Variants in NOP9 observed in about 807,000 individuals in gnomAD.
NOP9 encodes the protein nucleolar protein 9.
In NOP9, 50 loss-of-function variants were observed where a neutral mutation model predicts 63.0. The ratio of observed to expected loss-of-function variants is 0.79; its 90% confidence interval spans 0.63 to 1.00. The LOEUF (loss-of-function observed/expected upper bound fraction) is 1.00, where lower values mean the gene tolerates loss of function less well. Ranked by LOEUF, NOP9 falls within the 50% of genes least tolerant of loss-of-function variation. NOP9 has a pLI of 0.00. For synonymous variants in NOP9, 343 were observed against 332.8 expected (o/e 1.03, Z -0.33); for missense variants, 758 against 803.0 (o/e 0.94, Z 0.68).
chr14:24,299,043 C>G, upstream of NOP9: 1 of 1,614,112 alleles, frequency 6.2e-7, no homozygotes, highest in Non-Finnish European at 8.5e-7. Context: ...AAGGCAATGC[C>G]ACGGCCAATA....
chr14:24,288,516 G>A, the NOP9 span, among the ~76,000 whole-genome samples: 2 of 151,954 alleles, frequency 1.3e-5, no homozygotes, highest in African/African-American at 4.8e-5. Context: ...TGCCTGGCTA[G>A]TTTTTGTATT....
In NOP9 at chr14:24,304,620, T is replaced by G. The variant is rs1257897176; in HGVS notation, c.1753+22T>G. ...CTTGGTGAGTACCAGCCCCTCTCTT[T>G]GATGTTTCCAGACTCTCCCCTCTCT... On this transcript the variant is annotated intron_variant, in intron 9 of 9. Transcript: ENST00000267425. 3 of 1,545,652 alleles carry G rather than the reference T, an allele frequency of 1.9e-6. No homozygotes were observed. In the African/African-American group the frequency reaches 4.1e-5, roughly 21 times the overall value.
At position 24,300,531 on chromosome 14, in the gene NOP9, G is replaced by C; in HGVS notation, c.371G>C (p.Arg124Pro). ...TTCAGTCCCTTGAAACCGCTTTGTC[G>C]CGTGTGGGCTGCTCTGCGCTCTAAC... Reference protein sequence around the residue: ...LGFSPLKPLCRVWAALRSNLR... With the variant: ...LGFSPLKPLCPVWAALRSNLR... Residue 124 changes from arginine to proline, a missense_variant, in exon 2 of 10, where the codon CGC becomes CCC. Coordinates refer to ENST00000267425, the MANE Select transcript of NOP9 (RefSeq NM_174913.3). 4 of 1,614,242 alleles carry C rather than the reference G, an allele frequency of 2.5e-6. No individual in the cohort carries two copies. The highest frequency in any genetic ancestry group is 3.4e-6 in the Non-Finnish European group (4 of 1,180,044).
chr14:24,299,693 T>G, upstream of NOP9: 1 of 444,732 alleles, frequency 2.2e-6, no homozygotes, highest in South Asian at 4.7e-5. Flanking sequence ...ATTGATTCTG[T>G]AGTAGGACCC....
At chr14:24,292,345 A>G in the NOP9 span, 1 of 1,613,430 alleles carries the variant, frequency 6.2e-7, no homozygotes. Context: ...GGAGAGGCGG[A>G]AGGCAGGGTA....
chr14:24,291,370 TC>T, the NOP9 span: 4 of 1,066,088 alleles, frequency 3.8e-6, no homozygotes, highest in Non-Finnish European at 5.7e-6. Flanking sequence ...TTTCCACACT[TC>T]CCAGGAGCCT....
rs1253286395 is a variant in NOP9, at chr14:24,307,300, C to G, written c.*2205C>G. On this transcript the variant is annotated 3_prime_UTR_variant, in exon 10 of 10. Coordinates refer to ENST00000267425, the MANE Select transcript of NOP9 (RefSeq NM_174913.3). Reference sequence around the variant, plus strand: ...TGACTTCAGCCCTCTGCTCCATCATCACAAGTTGCCACTGTTGTGGAGCCC... The same window carrying G: ...TGACTTCAGCCCTCTGCTCCATCATGACAAGTTGCCACTGTTGTGGAGCCC... The G allele has an allele frequency of 1.3e-6, 2 of 1,513,906 alleles. No homozygotes were observed. Among genetic ancestry groups the G allele is most frequent in the East Asian group, 4.5e-5 (2 of 44,032 alleles). The allele number at this position is 1,513,906 out of a possible 1,614,324, so 93.8% of individuals were successfully genotyped here. A position where few individuals can be genotyped will look rare whatever the true frequency, so the allele number is the denominator to read the frequency against.
upstream of NOP9, among the ~76,000 whole-genome samples, chr14:24,295,895 A>C (rs1236865049): frequency 6.6e-6 from 1 of 152,244 alleles, no homozygotes; most frequent in African/African-American, 2.4e-5. Context: ...GATCACATCC[A>C]TCAGGCATGA....
chr14:24,304,564 C>A lies in NOP9; in HGVS notation c.1719C>A (p.Ala573=), dbSNP rs1325129105. 2 of 1,613,196 alleles carry A rather than the reference C, an allele frequency of 1.2e-6. No homozygotes were observed. The highest frequency in any genetic ancestry group is 2.7e-5 in the African/African-American group (2 of 74,854). Residue 573 remains alanine (A), a synonymous_variant, in exon 9 of 10, where the codon GCC becomes GCA. Transcript: ENST00000267425. ...TAGATGCCATCTGGAGTGGAGCAGCCTTGAGGGCCCGGAAGGAAATTGCTG... is the reference window on the plus strand; with the variant it reads ...TAGATGCCATCTGGAGTGGAGCAGCATTGAGGGCCCGGAAGGAAATTGCTG... ...RVLDAIWSGA[A]LRARKEIAAE... is the part of the protein sequence containing the mutation.
chr14:24,303,981 G>A, intron 7 of NOP9, 60 bp from the exon 8 acceptor site: 1 of 1,580,196 alleles, frequency 6.3e-7, no homozygotes, highest in South Asian at 1.1e-5. Flanking sequence ...AGTGTTCTGG[G>A]GATGGGCTCA....
the NOP9 span, chr14:24,292,335 G>A: frequency 6.2e-7 from 1 of 1,613,820 alleles, no homozygotes; most frequent in East Asian, 2.2e-5. Context: ...GTCACACTGT[G>A]GAGAGGCGGA....
chr14:24,272,812 T>A, the NOP9 span, among the ~76,000 whole-genome samples: 1 of 152,204 alleles, frequency 6.6e-6, no homozygotes, highest in Non-Finnish European at 1.5e-5. Context: ...GCCTGTTCCC[T>A]CTTGACTCTC....
intron 2 of NOP9, 96 bp from the exon 3 acceptor site, chr14:24,301,516 A>G: frequency 2.0e-6 from 3 of 1,490,328 alleles, no homozygotes; most frequent in Non-Finnish European, 2.8e-6. Flanking sequence ...TCTGTTCTGC[A>G]TCTCCAAGCG....
At chr14:24,286,747 C>T in the NOP9 span, among the ~76,000 whole-genome samples, 10 of 151,872 alleles carry the variant, frequency 6.6e-5, no homozygotes, top group African/African-American at 2.2e-4. Flanking sequence ...TGCCCGCCAC[C>T]ATGCCCAGCT....
chr14:24,273,262 T>C, the NOP9 span, among the ~76,000 whole-genome samples: 1 of 150,742 alleles, frequency 6.6e-6, no homozygotes, highest in Non-Finnish European at 1.5e-5. Context: ...TACTGCAACC[T>C]CTGCCTCCTG....
the NOP9 span, among the ~76,000 whole-genome samples, chr14:24,275,344 G>GTAT: frequency 6.6e-6 from 1 of 152,158 alleles, no homozygotes; most frequent in Admixed American, 6.5e-5. Flanking sequence ...TATGAAATAG[G>GTAT]TATTATCCAT....
In NOP9 at chr14:24,303,216, T is replaced by G. The variant is rs1170383743; in HGVS notation, c.1284+2T>G. 6.2e-7 allele frequency: 1 copy of G among 1,613,996 alleles called. No homozygotes were observed. The highest frequency in any genetic ancestry group is 8.5e-7 in the Non-Finnish European group (1 of 1,179,968). ...AAGGTCCTACAGCTCTTGTTGGAGG[T>G]GAGTGGATATTACCCACAATCTGTT... On this transcript the variant is annotated splice_donor_variant, in intron 6 of 9. Transcript: ENST00000267425. LOFTEE classifies it high-confidence loss of function.
chr14:24,289,959 A>G, the NOP9 span, among the ~76,000 whole-genome samples: 2 of 152,212 alleles, frequency 1.3e-5, no homozygotes, highest in Admixed American at 1.3e-4. Context: ...AAGTAAAATG[A>G]TTTATGTTTC....
At chr14:24,289,133 C>T in the NOP9 span, among the ~76,000 whole-genome samples, 20 of 152,064 alleles carry the variant, frequency 1.3e-4, no homozygotes, top group African/African-American at 1.9e-4. Flanking sequence ...CCCGCCACCA[C>T]GCCCAGCTAA....
Sources: allele counts gnomAD v4.1 joint callset (sites outside exome capture counted in the v4.1 genomes callset), GRCh38; gene constraint gnomAD v4.1.1; transcripts MANE v1.5; gene names NCBI Gene and HGNC (gene_info 2026-07-23, HGNC 2026-07-21).